CCNE1: variants seen among roughly 807,000 people sequenced by gnomAD.
CCNE1 encodes cyclin E1.
CCNE1 carries 8 observed loss-of-function variants against 54.1 expected under a neutral mutation model. The ratio of observed to expected loss-of-function variants is 0.15; its 90% CI spans 0.09 to 0.27. The LOEUF is 0.27. Among genes scored for constraint, CCNE1 ranks in the 10% least tolerant of loss-of-function variants. The pLI, the probability that CCNE1 is intolerant of heterozygous loss-of-function variation, is 1.00. For synonymous variants in CCNE1, 179 were observed against 185.2 expected (o/e 0.97, Z 0.27); for missense variants, 430 against 514.9 (o/e 0.84, Z 1.60).
chr19:29,822,910 C>A (rs1568371886), intron 11 of CCNE1, among the ~76,000 whole-genome samples: 1 of 151,290 alleles, frequency 6.6e-6, no homozygotes, highest in Non-Finnish European at 1.5e-5. Context: ...CGCCACTGCA[C>A]TCCAGCCTGG....
intron 7 of CCNE1, 75 bp from the exon 8 acceptor site, chr19:29,821,647 C>A: frequency 1.4e-6 from 1 of 720,776 alleles, no homozygotes; most frequent in South Asian, 1.5e-5. Flanking sequence ...ACTGAGAAGT[C>A]ATTTTGGATG....
At chr19:29,818,306 G>A (rs1236999125) in intron 6 of CCNE1, among the ~76,000 whole-genome samples, 3 of 152,074 alleles carry the variant, frequency 2.0e-5, no homozygotes, top group South Asian at 2.1e-4. Flanking sequence ...GATTACAGGC[G>A]TGAGCCACCG....
intron 9 of CCNE1, 41 bp from the exon 10 acceptor site, chr19:29,822,199 G>A (rs531118971): frequency 4.0e-5 from 65 of 1,610,792 alleles, no homozygotes; most frequent in African/African-American, 9.3e-5. Flanking sequence ...TAGAATAGGC[G>A]TGTGGTGGCA....
At chr19:29,821,186 G>A (rs989513628) in intron 7 of CCNE1, among the ~76,000 whole-genome samples, 2 of 152,124 alleles carry the variant, frequency 1.3e-5, no homozygotes, top group Admixed American at 1.3e-4. Flanking sequence ...GTCACTTGAG[G>A]CCAGTAGTTT....
At chr19:29,821,967 C>A (rs3218066) in intron 8 of CCNE1, 29 bp from the exon 9 acceptor site, 15 of 1,594,616 alleles carry the variant, frequency 9.4e-6, no homozygotes, top group Non-Finnish European at 1.1e-5. Context: ...TCTCAATCAT[C>A]GGTCTCTTTT....
At chr19:29,818,112 C>T (rs960784229) in intron 6 of CCNE1, among the ~76,000 whole-genome samples, 1 of 151,262 alleles carries the variant, frequency 6.6e-6, no homozygotes, top group African/African-American at 2.4e-5. Context: ...CTGCAAGCTC[C>T]TCCTCCCGGG....
chr19:29,820,845 T>C lies in CCNE1; in HGVS notation c.606T>C (p.Leu202=). The C allele has an allele frequency of 1.9e-6, 3 of 1,588,014 alleles. No individual in the cohort carries two copies. Among genetic ancestry groups the C allele is most frequent in the Non-Finnish European group, 2.6e-6 (3 of 1,160,114 alleles). The change falls in exon 7 of 12, where the codon CTT becomes CTC. Residue 202 remains leucine (L), a synonymous_variant. Coordinates refer to ENST00000262643, the MANE Select transcript of CCNE1 (RefSeq NM_001238.4). ...CATCTTTATTTATTGCAGCCAAACT[T>C]GAGGTAAATAATTTTCAAATATTTG... is the stretch of plus-strand genomic sequence containing the variant. ...GISSLFIAAK[L]EEIYPPKLHQ...
chr19:29,817,084 G>A (rs1435870004), intron 4 of CCNE1, 53 bp from the exon 5 acceptor site: 1 of 1,577,900 alleles, frequency 6.3e-7, no homozygotes, highest in Non-Finnish European at 8.7e-7. Flanking sequence ...TTTGGGTAAT[G>A]TAAGAGCTGT....
At chr19:29,823,309 G>A (rs887380497) in intron 11 of CCNE1, among the ~76,000 whole-genome samples, 2 of 152,094 alleles carry the variant, frequency 1.3e-5, no homozygotes, top group African/African-American at 2.4e-5. Flanking sequence ...TTTGGGAGGC[G>A]GAGGCGGGCA....
At chr19:29,822,801 G>A (rs1340147100) in intron 11 of CCNE1, among the ~76,000 whole-genome samples, 198 bp downstream of exon 11, 1 of 152,018 alleles carries the variant, frequency 6.6e-6, no homozygotes, top group Non-Finnish European at 1.5e-5. Context: ...AAAATTAGCC[G>A]GCTATGGTGG....
intron 4 of CCNE1, among the ~76,000 whole-genome samples, chr19:29,815,894 C>T (rs1974004647): frequency 6.6e-6 from 1 of 151,324 alleles, no homozygotes; most frequent in Non-Finnish European, 1.5e-5. Context: ...GTGGCTCAGG[C>T]TTGTAATCCC....
chr19:29,822,350 A>G lies in CCNE1; in HGVS notation c.951A>G (p.Ser317=). The change falls in exon 10 of 12, where the codon TCA becomes TCG. Residue 317 remains serine (S), a splice_region_variant and synonymous_variant. Transcript: ENST00000262643. The part of the protein sequence containing the change: ...FSSSELMQKV[S]GYQWCDIENC... The stretch of plus-strand genomic sequence containing the variant: ...CATCTGAATTGATGCAAAAGGTTTC[A>G]GGTAAGTTGGCTTTCCAGTGCATGC... 6.2e-7 allele frequency: 1 copy of G among 1,613,904 alleles called. No individual in the cohort carries two copies. The highest frequency in any genetic ancestry group is 1.1e-5 in the South Asian group (1 of 91,086).
At chr19:29,817,563 C>A in intron 6 of CCNE1, 22 bp downstream of exon 6, 1 of 1,614,010 alleles carries the variant, frequency 6.2e-7, no homozygotes, top group South Asian at 1.1e-5. Context: ...TCTTCCTGTT[C>A]GCTTCATGAA....
At chr19:29,820,574 T>C (rs1974124705) in intron 6 of CCNE1, 128 bp from the exon 7 acceptor site, 1 of 670,436 alleles carries the variant, frequency 1.5e-6, no homozygotes. Flanking sequence ...AACAAAAAAC[T>C]ATCAATTGTT....
Position 29,822,304 on chromosome 19 carries a change from C to T in CCNE1, c.905C>T (p.Ser302Leu), listed in dbSNP as rs1449890888. The change falls in exon 10 of 12, where the codon TCG becomes TTG. Residue 302 changes from serine (S) to leucine (L), a missense_variant. Physicochemically the swap from Ser to Leu is moderately radical, Grantham distance 145. Coordinates refer to ENST00000262643, the MANE Select transcript of CCNE1 (RefSeq NM_001238.4). ...TTTCCTTATGGTATACTTGCTGCTTCGGCCTTGTATCATTTCTCGTCATCT... is the reference window on the plus strand; with the variant it reads ...TTTCCTTATGGTATACTTGCTGCTTTGGCCTTGTATCATTTCTCGTCATCT... ...LEFPYGILAA[S>L]ALYHFSSSEL... 1.9e-6 allele frequency: 3 copies of T among 1,614,002 alleles called. No individual in the cohort carries two copies. Among genetic ancestry groups the T allele is most frequent in the African/African-American group, 1.3e-5 (1 of 74,916 alleles).
intron 6 of CCNE1, among the ~76,000 whole-genome samples, chr19:29,818,018 C>T (rs1336610798): frequency 6.9e-6 from 1 of 145,144 alleles, no homozygotes; most frequent in African/African-American, 2.6e-5. Context: ...CACGCCATCA[C>T]GCCCAGTATT....
intron 6 of CCNE1, among the ~76,000 whole-genome samples, chr19:29,818,082 A>G (rs1466426865): frequency 7.0e-6 from 1 of 142,852 alleles, no homozygotes; most frequent in Non-Finnish European, 1.5e-5. Flanking sequence ...GCTAGAGTGC[A>G]GTGGTGCGAT....
chr19:29,821,847 T>C, intron 8 of CCNE1, 30 bp downstream of exon 8: 1 of 1,553,264 alleles, frequency 6.4e-7, no homozygotes, highest in African/African-American at 1.4e-5. Context: ...CCGGCCATTT[T>C]TTAAATGCGT....
At chr19:29,818,559 G>A (rs1974080194) in intron 6 of CCNE1, among the ~76,000 whole-genome samples, 1 of 152,192 alleles carries the variant, frequency 6.6e-6, no homozygotes, top group African/African-American at 2.4e-5. Context: ...TCTTAAACAG[G>A]TCTGACATTG....
Sources: allele counts gnomAD v4.1 joint callset (sites outside exome capture counted in the v4.1 genomes callset), GRCh38; gene constraint gnomAD v4.1.1; transcripts MANE v1.5; gene names NCBI Gene and HGNC (gene_info 2026-07-23, HGNC 2026-07-21).